The following PRKG1 variants were observed in gnomAD, a reference collection of about 807,000 sequenced individuals.
The protein encoded by PRKG1 is protein kinase cGMP-dependent 1.
Under a neutral mutation model 88.1 loss-of-function variants are expected in PRKG1, and 35 were observed. The ratio of observed to expected loss-of-function variants is 0.40; its 90% CI spans 0.30 to 0.53. The LOEUF is 0.53. PRKG1 is among the 20% of genes least tolerant of loss of function. PRKG1 has a pLI of 0.59. For synonymous variants in PRKG1, 303 were observed against 292.5 expected (o/e 1.04, Z -0.37); for missense variants, 540 against 839.8 (o/e 0.64, Z 4.41).
intron 2 of PRKG1, among the ~76,000 whole-genome samples, chr10:51,352,356 G>A (rs1183750776): frequency 6.6e-6 from 1 of 151,784 alleles, no homozygotes; most frequent in African/African-American, 2.4e-5. Context: ...CCATTTTCAC[G>A]GTATTGATTC....
At chr10:51,005,264 T>C (rs1842929651) in intron 1 of PRKG1, among the ~76,000 whole-genome samples, 1 of 139,246 alleles carries the variant, frequency 7.2e-6, no homozygotes, top group South Asian at 2.2e-4. Context: ...TAGGTTGTGA[T>C]AATTAAAAAA....
At chr10:51,248,054 G>A (rs1308107421) in intron 2 of PRKG1, among the ~76,000 whole-genome samples, 2 of 151,814 alleles carry the variant, frequency 1.3e-5, no homozygotes, top group Admixed American at 6.6e-5. Context: ...AACAACAATC[G>A]TAAAAGGGAG....
At chr10:52,204,908 T>C (rs999376955) in intron 9 of PRKG1, among the ~76,000 whole-genome samples, 1 of 152,176 alleles carries the variant, frequency 6.6e-6, no homozygotes, top group African/African-American at 2.4e-5. Context: ...TTTCTCTTAT[T>C]ACCGAAAACG....
At chr10:52,124,038 G>C (rs1379016952) in intron 7 of PRKG1, among the ~76,000 whole-genome samples, 1 of 152,128 alleles carries the variant, frequency 6.6e-6, no homozygotes, top group African/African-American at 2.4e-5. Context: ...TCTGATAACT[G>C]AGATGGCTAC....
chr10:51,778,627 A>G (rs1838504148), intron 3 of PRKG1, among the ~76,000 whole-genome samples: 1 of 152,224 alleles, frequency 6.6e-6, no homozygotes, highest in Non-Finnish European at 1.5e-5. Flanking sequence ...GGTGAGTGAT[A>G]TAAGACTGGA....
chr10:51,468,523 TA>T (rs1176421582), intron 3 of PRKG1, among the ~76,000 whole-genome samples: 3 of 151,524 alleles, frequency 2.0e-5, no homozygotes, highest in South Asian at 2.1e-4. Context: ...AAGATTTTTT[TA>T]AAAAAAATCT....
chr10:52,266,921 A>G (rs556652842), intron 10 of PRKG1, among the ~76,000 whole-genome samples: 18 of 152,190 alleles, frequency 1.2e-4, no homozygotes, highest in African/African-American at 3.4e-4. Context: ...ATGCATAACT[A>G]TCTAGGCTAG....
intron 1 of PRKG1, among the ~76,000 whole-genome samples, chr10:51,004,467 GAACAA>G (rs1420519238): frequency 1.3e-4 from 19 of 151,702 alleles, no homozygotes; most frequent in South Asian, 1.0e-3. Flanking sequence ...CTCAAAATCA[GAACAA>G]AACAAAACAA....
chr10:51,783,377 T>C (rs4644602), intron 3 of PRKG1, among the ~76,000 whole-genome samples: 83,468 of 151,812 alleles, frequency 0.55, 23,781 homozygotes, highest in African/African-American at 0.65. Flanking sequence ...CTTCTGGATT[T>C]AAGCAATTCT....
intron 3 of PRKG1, among the ~76,000 whole-genome samples, chr10:51,670,655 G>A (rs1440356842): frequency 6.8e-6 from 1 of 148,124 alleles, no homozygotes; most frequent in African/African-American, 2.5e-5. Flanking sequence ...AGAATGGCGT[G>A]AACCCGGGAG....
intron 3 of PRKG1, among the ~76,000 whole-genome samples, chr10:51,497,260 T>C (rs59610630): frequency 0.018 from 2,665 of 152,284 alleles, 53 homozygotes; most frequent in African/African-American, 0.045. Context: ...CATAGTTATC[T>C]TTCCTCTTTA....
chr10:52,010,258 A>G (rs189885446), intron 5 of PRKG1, among the ~76,000 whole-genome samples: 1 of 152,162 alleles, frequency 6.6e-6, no homozygotes, highest in African/African-American at 2.4e-5. Flanking sequence ...AGGAGAAAAT[A>G]CTTGCAAACT....
intron 1 of PRKG1, among the ~76,000 whole-genome samples, chr10:51,051,257 T>C (rs988817429): frequency 6.6e-6 from 1 of 152,156 alleles, no homozygotes; most frequent in African/African-American, 2.4e-5. Flanking sequence ...AAGAAGATTT[T>C]CCCCTATGCT....
At chr10:51,764,856 T>C (rs1276049695) in intron 3 of PRKG1, among the ~76,000 whole-genome samples, 2 of 152,204 alleles carry the variant, frequency 1.3e-5, no homozygotes, top group Non-Finnish European at 2.9e-5. Flanking sequence ...ATGGGATTAG[T>C]GCTCTTATCA....
At chr10:51,017,569 A>G (rs1374872712) in intron 1 of PRKG1, among the ~76,000 whole-genome samples, 1 of 152,146 alleles carries the variant, frequency 6.6e-6, no homozygotes, top group African/African-American at 2.4e-5. Flanking sequence ...ATAGTTTCAA[A>G]CATTCAAAGA....
At chr10:50,996,758 C>A (rs1308591681) in intron 1 of PRKG1, among the ~76,000 whole-genome samples, 2 of 152,216 alleles carry the variant, frequency 1.3e-5, no homozygotes, top group Non-Finnish European at 2.9e-5. Context: ...ATCCCTTCAT[C>A]CCTACCTTTC....
chr10:51,039,199 A>G (rs1458002199), intron 1 of PRKG1, among the ~76,000 whole-genome samples: 1 of 152,204 alleles, frequency 6.6e-6, no homozygotes, highest in African/African-American at 2.4e-5. Flanking sequence ...CATTCCCACC[A>G]ACAGTGTATG....
chr10:51,719,982 A>G (rs1207378867), intron 3 of PRKG1, among the ~76,000 whole-genome samples: 1 of 152,180 alleles, frequency 6.6e-6, no homozygotes, highest in Admixed American at 6.5e-5. Flanking sequence ...ATGATGGGGG[A>G]GATGCTGGGA....
intron 3 of PRKG1, among the ~76,000 whole-genome samples, chr10:51,647,808 A>G (rs1449941700): frequency 6.6e-6 from 1 of 152,198 alleles, no homozygotes; most frequent in Non-Finnish European, 1.5e-5. Context: ...GTATTTTAGA[A>G]CATTATAAAA....
Sources: gnomAD v4.1 joint callset for allele counts (sites outside exome capture counted in the v4.1 genomes callset) on GRCh38, gnomAD v4.1.1 for gene constraint, MANE v1.5 for transcripts, NCBI Gene and HGNC (gene_info 2026-07-23, HGNC 2026-07-21) for gene names.